The following DACH1 variants were observed in gnomAD, a reference collection of about 807,000 sequenced individuals.
The protein encoded by DACH1 is dachshund homolog 1.
DACH1 carries 12 observed loss-of-function variants against 54.2 expected under a neutral mutation model. The observed-to-expected ratio is 0.22, with a 90% confidence interval of 0.14 to 0.36. The LOEUF (loss-of-function observed/expected upper bound fraction) is 0.36. Among genes scored for constraint, DACH1 ranks in the 10% least tolerant of loss-of-function variants. DACH1 has a pLI of 1.00. For synonymous variants in DACH1, 386 were observed against 366.2 expected, an observed-to-expected ratio of 1.05 and a Z score of -0.62; for missense variants, 805 against 929.8, an observed-to-expected ratio of 0.87 and a Z score of 1.75.
At chr13:71,861,561 C>A (rs1874354657) in intron 1 of DACH1, among the ~76,000 whole-genome samples, 1 of 151,872 alleles carries the variant, frequency 6.6e-6, no homozygotes, top group Admixed American at 6.6e-5. Context: ...ACTTTAAAAA[C>A]ATACAGAAAT....
At chr13:71,590,356 A>G (rs1308375613) in intron 3 of DACH1, among the ~76,000 whole-genome samples, 1 of 152,190 alleles carries the variant, frequency 6.6e-6, no homozygotes, top group African/African-American at 2.4e-5. Context: ...ATATCTTAAT[A>G]AAGGAAAGCC....
intron 2 of DACH1, among the ~76,000 whole-genome samples, chr13:71,635,266 T>C (rs544297782): frequency 1.2e-4 from 18 of 152,146 alleles, no homozygotes; most frequent in Non-Finnish European, 2.1e-4. Context: ...TCTCCAAAGG[T>C]ATGTCTTGCC....
At chr13:71,527,570 G>C (rs1543663) in intron 6 of DACH1, among the ~76,000 whole-genome samples, 132,600 of 152,114 alleles carry the variant, frequency 0.87, 59,595 homozygotes, top group South Asian at 0.98. Context: ...ATTTTCTTCC[G>C]TATCGGTCCT....
chr13:71,465,175 AAG>A (rs926994732), intron 10 of DACH1, among the ~76,000 whole-genome samples: 136 of 152,212 alleles, frequency 8.9e-4, no homozygotes, highest in South Asian at 6.2e-4. Flanking sequence ...ATTTATATCA[AAG>A]AGTTTATATG....
At chr13:71,830,877 T>C (rs1482441318) in intron 1 of DACH1, among the ~76,000 whole-genome samples, 4 of 151,920 alleles carry the variant, frequency 2.6e-5, no homozygotes, top group Non-Finnish European at 5.9e-5. Context: ...CTCTAAGTGA[T>C]GGCTTCTTCA....
chr13:71,850,881 T>C (rs1432044037), intron 1 of DACH1, among the ~76,000 whole-genome samples: 1 of 152,254 alleles, frequency 6.6e-6, no homozygotes, highest in African/African-American at 2.4e-5. Context: ...TATGTGAATA[T>C]TTTTATAACT....
chr13:71,476,099 A>C (rs1877498936), intron 8 of DACH1, among the ~76,000 whole-genome samples: 1 of 152,192 alleles, frequency 6.6e-6, no homozygotes, highest in African/African-American at 2.4e-5. Flanking sequence ...GCCATATGTA[A>C]AGATAAATTT....
intron 10 of DACH1, among the ~76,000 whole-genome samples, chr13:71,468,197 C>T (rs1311917010): frequency 1.3e-5 from 2 of 152,252 alleles, no homozygotes; most frequent in East Asian, 3.9e-4. Context: ...AAAGTAATAA[C>T]AGCTTCAGTG....
At chr13:71,778,413 G>A (rs1382717678) in intron 1 of DACH1, among the ~76,000 whole-genome samples, 2 of 151,946 alleles carry the variant, frequency 1.3e-5, no homozygotes, top group Non-Finnish European at 2.9e-5. Context: ...TAAACTCCCT[G>A]ATTTCTGTTT....
chr13:71,683,445 AC>A (rs1268548698), intron 1 of DACH1, among the ~76,000 whole-genome samples: 3 of 152,110 alleles, frequency 2.0e-5, no homozygotes, highest in Non-Finnish European at 4.4e-5. Context: ...AATAAATGAA[AC>A]CATGAAAAAT....
rs1566494966 is a variant in DACH1, at chr13:71,779,210, T to TACAC, written c.848+86711_848+86712insGTGT. Among the ~76,000 whole-genome samples the TACAC allele has an allele frequency of 3.1e-4, 32 of 104,544 alleles. 1 individual carries two copies. Among genetic ancestry groups the TACAC allele is most frequent in the Non-Finnish European group, 4.6e-4 (25 of 54,622 alleles). 68.6% of individuals were successfully genotyped at this position (104,544 alleles called of 152,430 possible). On this transcript the variant is annotated intron_variant, in intron 1 of 10. Coordinates refer to ENST00000613252, the MANE Select transcript of DACH1 (RefSeq NM_080759.6). The stretch of plus-strand genomic sequence containing the variant: ...ATACGTATATACGTATATATGTGTA[T>TACAC]ATATATACGTATATACGTATATATA...
intron 1 of DACH1, among the ~76,000 whole-genome samples, chr13:71,783,977 A>C (rs1269026502): frequency 6.6e-6 from 1 of 150,858 alleles, no homozygotes; most frequent in African/African-American, 2.4e-5. Context: ...AAAAAAAAAA[A>C]AAACAAAAAA....
At chr13:71,664,090 A>T (rs1566416153) in intron 2 of DACH1, among the ~76,000 whole-genome samples, 1 of 151,998 alleles carries the variant, frequency 6.6e-6, no homozygotes, top group East Asian at 1.9e-4. Flanking sequence ...TTTTGTTGAC[A>T]GACTTTGTAG....
At chr13:71,820,245 C>G (rs1298836166) in intron 1 of DACH1, among the ~76,000 whole-genome samples, 1 of 151,824 alleles carries the variant, frequency 6.6e-6, no homozygotes, top group Admixed American at 6.6e-5. Flanking sequence ...TTGGCTGGGT[C>G]TGCCAAGGGG....
chr13:71,475,798 T>G lies in DACH1; in HGVS notation c.1922A>C (p.Gln641Pro). The change falls in exon 9 of 11, where the codon CAG becomes CCG. Residue 641 changes from glutamine to proline, a missense_variant. By Grantham distance (76) the Gln-to-Pro change is moderately conservative. Coordinates refer to ENST00000613252, the MANE Select transcript of DACH1 (RefSeq NM_080759.6). ...KKEKKAKRKLQEALEFETKRR... is the reference protein window; with the variant it reads ...KKEKKAKRKLPEALEFETKRR... ...TTTCGTCTCAAACTCAAGTGCTTCC[T>G]GCAATTTTCTCTTTGCCTTCTTCTC... is the stretch of plus-strand genomic sequence containing the variant. 6.2e-7 allele frequency: 1 copy of G among 1,613,690 alleles called. No homozygotes were observed. The highest frequency in any genetic ancestry group is 8.5e-7 in the Non-Finnish European group (1 of 1,179,840).
At chr13:71,606,197 T>G (rs1874869470) in intron 3 of DACH1, among the ~76,000 whole-genome samples, 1 of 152,058 alleles carries the variant, frequency 6.6e-6, no homozygotes, top group Non-Finnish European at 1.5e-5. Context: ...TCTACATCTA[T>G]TTACAAATAT....
chr13:71,487,035 G>C (rs1292147029), intron 7 of DACH1, among the ~76,000 whole-genome samples: 1 of 151,736 alleles, frequency 6.6e-6, no homozygotes, highest in African/African-American at 2.4e-5. Flanking sequence ...TTTTTTAGTA[G>C]AGACGGGGCT....
chr13:71,608,403 T>G (rs534137592), intron 3 of DACH1, among the ~76,000 whole-genome samples: 3 of 152,056 alleles, frequency 2.0e-5, no homozygotes, highest in Non-Finnish European at 2.9e-5. Flanking sequence ...ACATAAGTAG[T>G]GTATAAAATA....
intron 1 of DACH1, among the ~76,000 whole-genome samples, chr13:71,682,264 G>A (rs1428289706): frequency 6.6e-6 from 1 of 152,166 alleles, no homozygotes; most frequent in African/African-American, 2.4e-5. Context: ...CAGTCAGCCT[G>A]CTATTGATTT....
Sources: allele counts gnomAD v4.1 joint callset (sites outside exome capture counted in the v4.1 genomes callset), GRCh38; gene constraint gnomAD v4.1.1; transcripts MANE v1.5; gene names NCBI Gene and HGNC (gene_info 2026-07-23, HGNC 2026-07-21).